ADCY10: variants seen among roughly 807,000 people sequenced by gnomAD.
ADCY10 encodes adenylate cyclase 10, also known as adenylate cyclase type 10.
Under a neutral mutation model 183.3 loss-of-function variants are expected in ADCY10, and 156 were observed. That is an observed-to-expected ratio of 0.85 (90% CI 0.75 to 0.97). The LOEUF (loss-of-function observed/expected upper bound fraction) is 0.97. ADCY10 is among the 50% of genes least tolerant of loss of function. ADCY10 has a pLI of 0.00. For synonymous variants in ADCY10, 645 were observed against 670.0 expected (o/e 0.96, Z 0.58); for missense variants, 1,745 against 1,934.3 (o/e 0.90, Z 1.84).
chr1:167,843,332 G>A (rs1180170604), intron 21 of ADCY10, among the ~76,000 whole-genome samples: 1 of 152,142 alleles, frequency 6.6e-6, no homozygotes, highest in Non-Finnish European at 1.5e-5. Context: ...ATGCATCTAT[G>A]TATATGTATG....
At chr1:167,819,710 G>A (rs1017876948) in intron 30 of ADCY10, among the ~76,000 whole-genome samples, 10 of 151,912 alleles carry the variant, frequency 6.6e-5, no homozygotes, top group African/African-American at 2.4e-4. Flanking sequence ...TTACAGGCAT[G>A]CGCCACCATG....
chr1:167,860,936 T>G lies in ADCY10; in HGVS notation c.1744A>C (p.Asn582His), dbSNP rs753066788. 109 of 1,614,062 alleles carry G rather than the reference T, an allele frequency of 6.8e-5. No homozygotes were observed. The highest frequency in any genetic ancestry group is 8.9e-5 in the Non-Finnish European group (105 of 1,180,034). The change falls in exon 15 of 33, where the codon AAT becomes CAT. Residue 582 changes from asparagine (N) to histidine (H), a missense_variant. By Grantham distance (68) the Asn-to-His change is moderately conservative. Coordinates refer to ENST00000367851, the MANE Select transcript of ADCY10 (RefSeq NM_018417.6). ...TCATCCAACAGTGTCATGACTTTAT[T>G]TCGAAGGTTGGTCTGTCGTTCTTTA... ...HYKERQTNLR[N>H]KVMTLLDEKF...
At chr1:167,865,968 A>G (rs1666649214) in intron 14 of ADCY10, among the ~76,000 whole-genome samples, 1 of 152,228 alleles carries the variant, frequency 6.6e-6, no homozygotes, top group African/African-American at 2.4e-5. Context: ...AGGGCCATCC[A>G]GCCTCCGTCT....
In ADCY10 at chr1:167,893,843, T is replaced by C; in HGVS notation, c.828+10A>G. The C allele has an allele frequency of 6.2e-7, 1 of 1,606,998 alleles. No individual in the cohort carries two copies. Among genetic ancestry groups the C allele is most frequent in the South Asian group, 1.1e-5 (1 of 90,888 alleles). The stretch of plus-strand genomic sequence containing the variant: ...ATCCCCAAAGCCAGTAAATTCAATT[T>C]TGAAAATACCTGCTTCAAAATGCTT... On this transcript the variant is annotated intron_variant, in intron 8 of 32. Coordinates refer to ENST00000367851, the MANE Select transcript of ADCY10 (RefSeq NM_018417.6).
chr1:167,811,932 A>G (rs542144148), intron 31 of ADCY10, among the ~76,000 whole-genome samples: 55 of 152,206 alleles, frequency 3.6e-4, no homozygotes, highest in African/African-American at 1.2e-3. Context: ...CTATTTTAGA[A>G]CTCTGGAGTC....
At chr1:167,826,684 A>G (rs569432877) in intron 26 of ADCY10, among the ~76,000 whole-genome samples, 3 of 152,364 alleles carry the variant, frequency 2.0e-5, no homozygotes, top group Non-Finnish European at 2.9e-5. Context: ...ACAGCTGAAG[A>G]GGTCCTTGCT....
intron 16 of ADCY10, among the ~76,000 whole-genome samples, chr1:167,857,054 A>C (rs1171128315): frequency 6.6e-6 from 1 of 152,220 alleles, no homozygotes; most frequent in African/African-American, 2.4e-5. Context: ...TTTATTGTGC[A>C]TCTATCAGGG....
At chr1:167,840,730 G>A (rs932867984) in intron 21 of ADCY10, among the ~76,000 whole-genome samples, 6 of 144,540 alleles carry the variant, frequency 4.2e-5, no homozygotes, top group Admixed American at 3.4e-4. Context: ...CCTACTACAA[G>A]GAGAATCTGT....
At chr1:167,869,486 A>G (rs1666936795) in intron 14 of ADCY10, among the ~76,000 whole-genome samples, 1 of 152,202 alleles carries the variant, frequency 6.6e-6, no homozygotes, top group African/African-American at 2.4e-5. Flanking sequence ...AGAAAAGGAC[A>G]GAGAAGCGAA....
At chr1:167,818,727 C>A (rs541278316) in intron 30 of ADCY10, among the ~76,000 whole-genome samples, 1 of 152,082 alleles carries the variant, frequency 6.6e-6, no homozygotes, top group African/African-American at 2.4e-5. Context: ...TAAGTAGATA[C>A]GGGGTTTCAC....
chr1:167,851,539 T>C lies in ADCY10; in HGVS notation c.2308+2814A>G, dbSNP rs114712771. On this transcript the variant is annotated intron_variant, in intron 18 of 32. Coordinates refer to ENST00000367851, the MANE Select transcript of ADCY10 (RefSeq NM_018417.6). ...GTTATCACCTTCAAGAAACTTAACA[T>C]TGGTCGGGCACAGTGGCTCACGCCT... Among the ~76,000 whole-genome samples, 916 of 152,180 alleles carry C rather than the reference T, an allele frequency of 6.0e-3. 13 individuals are homozygous for C. The highest frequency in any genetic ancestry group is 0.021 in the African/African-American group (855 of 41,524).
chr1:167,812,439 C>A (rs1267541340), intron 31 of ADCY10, among the ~76,000 whole-genome samples: 2 of 152,104 alleles, frequency 1.3e-5, no homozygotes, highest in Non-Finnish European at 2.9e-5. Flanking sequence ...CTGGGAAGAC[C>A]TTAAGTTTGC....
At chr1:167,819,965 T>C in intron 30 of ADCY10, 1 of 1,309,658 alleles carries the variant, frequency 7.6e-7, no homozygotes, top group Non-Finnish European at 1.1e-6. Flanking sequence ...GCTGTATTCT[T>C]CCATTGTTTT....
rs781138739 is a variant in ADCY10 at position 167,905,016 on chromosome 1, A to G, written c.125T>C (p.Val42Ala). Residue 42 changes from valine to alanine, a missense_variant, in exon 2 of 33, where the codon GTC becomes GCC. By Grantham distance (64) the Val-to-Ala change is moderately conservative. Coordinates refer to ENST00000367851, the MANE Select transcript of ADCY10 (RefSeq NM_018417.6). Reference protein sequence around the residue: ...ERPFMDYFDGVLMFVDISGFT... With the variant: ...ERPFMDYFDGALMFVDISGFT... ...GCCTGAAATATCAACAAACATCAGG[A>G]CTCCGTCAAAATAATCCATAAAGGG... 2 of 1,614,016 alleles carry G rather than the reference A, an allele frequency of 1.2e-6. No homozygotes were observed. Among genetic ancestry groups the G allele is most frequent in the African/African-American group, 2.7e-5 (2 of 74,904 alleles).
intron 7 of ADCY10, 39 bp downstream of exon 7, chr1:167,896,556 T>C: frequency 1.3e-6 from 2 of 1,501,606 alleles, no homozygotes; most frequent in Non-Finnish European, 1.9e-6. Flanking sequence ...TACTGACCAC[T>C]GGTAGAGGCA....
intron 25 of ADCY10, among the ~76,000 whole-genome samples, chr1:167,830,093 G>T (rs926197053): frequency 2.0e-5 from 3 of 152,158 alleles, no homozygotes; most frequent in African/African-American, 7.2e-5. Flanking sequence ...TATCTGCACG[G>T]GTAGCTACTC....
intron 14 of ADCY10, among the ~76,000 whole-genome samples, chr1:167,868,530 T>A (rs1305794609): frequency 6.6e-6 from 1 of 152,150 alleles, no homozygotes; most frequent in African/African-American, 2.4e-5. Context: ...TGCAGACCGT[T>A]TAAGCCCACC....
At position 167,833,053 on chromosome 1, in the gene ADCY10, A is replaced by T; in HGVS notation, c.3527T>A (p.Ile1176Asn). The T allele has an allele frequency of 6.2e-7, 1 of 1,614,122 alleles. No individual in the cohort carries two copies. The highest frequency in any genetic ancestry group is 8.5e-7 in the Non-Finnish European group (1 of 1,180,014). ...AAAGTGTCTGTTTTTCTCGACATGG[A>T]TATGGAGAAACAAGGAGATTAAGTT... ...PYNLISLFLH[I>N]HVEKNRHFHY... The change falls in exon 25 of 33, where the codon ATC becomes AAC. Residue 1176 changes from isoleucine (I) to asparagine (N), a missense_variant. By Grantham distance (149) the Ile-to-Asn change is moderately radical. Coordinates refer to ENST00000367851, the MANE Select transcript of ADCY10 (RefSeq NM_018417.6).
Position 167,848,478 on chromosome 1 carries a change from T to C in ADCY10, c.2320A>G (p.Lys774Glu), listed in dbSNP as rs776615281. 1.2e-6 allele frequency: 2 copies of C among 1,613,614 alleles called. No homozygotes were observed. The highest frequency in any genetic ancestry group is 1.7e-6 in the Non-Finnish European group (2 of 1,179,578). The change falls in exon 19 of 33, where the codon AAG becomes GAG. Residue 774 changes from lysine to glutamate, a missense_variant. Coordinates refer to ENST00000367851, the MANE Select transcript of ADCY10 (RefSeq NM_018417.6). ...TWNNLFKYSIKLTEKLNMVTL... is the reference protein window; with the variant it reads ...TWNNLFKYSIELTEKLNMVTL... ...ACCATGTTTAACTTCTCTGTTAGCTTAATGGAATACTCTACAGGGGTATAA... is the reference window on the plus strand; with the variant it reads ...ACCATGTTTAACTTCTCTGTTAGCTCAATGGAATACTCTACAGGGGTATAA...
Sources: allele counts gnomAD v4.1 joint callset (sites outside exome capture counted in the v4.1 genomes callset), GRCh38; gene constraint gnomAD v4.1.1; transcripts MANE v1.5; gene names NCBI Gene and HGNC (gene_info 2026-07-23, HGNC 2026-07-21).